The following FCHSD2 variants were observed in gnomAD, a reference collection of about 807,000 sequenced individuals.
FCHSD2 encodes F-BAR and double SH3 domains protein 2.
A neutral mutation model predicts 108.1 loss-of-function variants in FCHSD2; 38 were observed. The observed-to-expected ratio is 0.35, with a 90% CI of 0.27 to 0.46. The LOEUF (loss-of-function observed/expected upper bound fraction) is 0.46. FCHSD2 is among the 20% of genes least tolerant of loss of function. FCHSD2 has a pLI of 1.00. For synonymous variants in FCHSD2, 279 were observed against 314.7 expected, an observed-to-expected ratio of 0.89 and a Z score of 1.20; for missense variants, 751 against 897.8, an observed-to-expected ratio of 0.84 and a Z score of 2.09.
chr11:73,044,168 CAAAG>C (rs1441864854), intron 3 of FCHSD2, among the ~76,000 whole-genome samples: 3 of 152,110 alleles, frequency 2.0e-5, no homozygotes, highest in Non-Finnish European at 2.9e-5. Context: ...ATAAATCAAA[CAAAG>C]AGACCATTTT....
chr11:72,841,610 C>A (rs762585135), intron 17 of FCHSD2, 27 bp from the exon 18 acceptor site: 2 of 1,568,322 alleles, frequency 1.3e-6, no homozygotes, highest in Non-Finnish European at 1.7e-6. Context: ...CGAGGTTACC[C>A]GGTGCTCCCC....
At chr11:72,900,236 C>CGT in intron 10 of FCHSD2, 1 of 1,451,832 alleles carries the variant, frequency 6.9e-7, no homozygotes, top group Non-Finnish European at 9.4e-7. Context: ...CCCTCCCGCC[C>CGT]TTGACCCACA....
At chr11:72,929,905 CTAATAAA>C (rs902914987) in intron 8 of FCHSD2, among the ~76,000 whole-genome samples, 2 of 152,022 alleles carry the variant, frequency 1.3e-5, no homozygotes, top group Admixed American at 6.6e-5. Context: ...GCAGAGGCCT[CTAATAAA>C]TGATTATTGA....
At chr11:73,121,699 G>GT (rs926160538) in intron 2 of FCHSD2, among the ~76,000 whole-genome samples, 2 of 151,282 alleles carry the variant, frequency 1.3e-5, no homozygotes, top group African/African-American at 4.8e-5. Flanking sequence ...GTAAGGTAAG[G>GT]TAAGTAAACA....
chr11:72,925,931 A>G (rs1856066743), intron 8 of FCHSD2, among the ~76,000 whole-genome samples: 1 of 152,178 alleles, frequency 6.6e-6, no homozygotes, highest in Non-Finnish European at 1.5e-5. Context: ...GGGACTGGCT[A>G]CAGCTGACCA....
intron 3 of FCHSD2, among the ~76,000 whole-genome samples, chr11:73,018,705 C>T (rs559034253): frequency 9.2e-5 from 14 of 152,056 alleles, no homozygotes; most frequent in Non-Finnish European, 1.9e-4. Flanking sequence ...AAAAACTTCT[C>T]TGGTTCCTAA....
At chr11:73,063,566 T>C (rs958789027) in intron 3 of FCHSD2, among the ~76,000 whole-genome samples, 11 of 151,976 alleles carry the variant, frequency 7.2e-5, no homozygotes, top group African/African-American at 9.7e-5. Context: ...AAGACACACA[T>C]AGGTTCAAAA....
intron 3 of FCHSD2, among the ~76,000 whole-genome samples, chr11:73,070,442 G>T (rs1378597791): frequency 6.6e-6 from 1 of 151,976 alleles, no homozygotes; most frequent in Non-Finnish European, 1.5e-5. Context: ...TTTTATTTTT[G>T]AGATACAGTC....
intron 8 of FCHSD2, among the ~76,000 whole-genome samples, chr11:72,957,737 G>A (rs1856742344): frequency 6.6e-6 from 1 of 151,994 alleles, no homozygotes; most frequent in Non-Finnish European, 1.5e-5. Flanking sequence ...GGAGTATTGA[G>A]AGGTGAGGAG....
chr11:73,001,351 T>C (rs1471433531), intron 4 of FCHSD2, among the ~76,000 whole-genome samples: 2 of 152,220 alleles, frequency 1.3e-5, no homozygotes, highest in Non-Finnish European at 2.9e-5. Flanking sequence ...GATTCATTAG[T>C]TATTCTTAAT....
At chr11:72,998,926 G>A (rs753904911) in intron 5 of FCHSD2, among the ~76,000 whole-genome samples, 2 of 152,158 alleles carry the variant, frequency 1.3e-5, no homozygotes, top group Admixed American at 6.5e-5. Context: ...TTGGGAAAAT[G>A]AAAAATCTGG....
At position 72,953,040 on chromosome 11, in the gene FCHSD2, A is replaced by G. The variant is rs533582961; in HGVS notation, c.705+31048T>C. 3.3e-5 allele frequency among the ~76,000 whole-genome samples: 5 copies of G among 152,372 alleles called. 1 individual carries two copies. The highest frequency in any genetic ancestry group is 1.2e-4 in the African/African-American group (5 of 41,582). On this transcript the variant is annotated intron_variant, in intron 8 of 19. Coordinates refer to ENST00000409418, the MANE Select transcript of FCHSD2 (RefSeq NM_014824.3). The stretch of plus-strand genomic sequence containing the variant: ...AATTTTGTTACTGAAAGTGCAAAGA[A>G]TAAGAGATATTTATGAAGTTATTGT...
intron 9 of FCHSD2, among the ~76,000 whole-genome samples, chr11:72,907,873 G>A (rs935385832): frequency 2.0e-5 from 3 of 151,982 alleles, no homozygotes; most frequent in Non-Finnish European, 2.9e-5. Flanking sequence ...GATTACAGGC[G>A]TGAGCCACCA....
chr11:73,121,051 A>G (rs1175028040), intron 2 of FCHSD2, among the ~76,000 whole-genome samples: 2 of 152,106 alleles, frequency 1.3e-5, no homozygotes, highest in Non-Finnish European at 2.9e-5. Flanking sequence ...CTTTCTCAGC[A>G]ATTTAGCTCT....
intron 2 of FCHSD2, among the ~76,000 whole-genome samples, chr11:73,089,646 C>T (rs1285685457): frequency 2.0e-5 from 3 of 152,060 alleles, no homozygotes; most frequent in Non-Finnish European, 4.4e-5. Flanking sequence ...ATGGATGAAC[C>T]TCAATAACAT....
intron 2 of FCHSD2, among the ~76,000 whole-genome samples, chr11:73,116,603 T>C (rs1347377252): frequency 6.6e-6 from 1 of 152,172 alleles, no homozygotes; most frequent in South Asian, 2.1e-4. Context: ...TGCAGTTGTG[T>C]GGTCATAACT....
intron 3 of FCHSD2, among the ~76,000 whole-genome samples, chr11:73,042,437 A>G (rs1156877684): frequency 6.6e-6 from 1 of 152,184 alleles, no homozygotes; most frequent in African/African-American, 2.4e-5. Context: ...TTATATCAAT[A>G]CCATGCTGTT....
intron 2 of FCHSD2, among the ~76,000 whole-genome samples, chr11:73,128,339 G>A (rs1449909494): frequency 2.0e-5 from 3 of 152,056 alleles, no homozygotes; most frequent in African/African-American, 7.2e-5. Flanking sequence ...GGTCCCTGCA[G>A]CAAATCAGGC....
chr11:73,028,423 T>C (rs1858279484), intron 3 of FCHSD2, among the ~76,000 whole-genome samples: 1 of 152,212 alleles, frequency 6.6e-6, no homozygotes, highest in Admixed American at 6.5e-5. Flanking sequence ...TTCCCCCATT[T>C]TGAATGGCAG....
Sources: allele counts gnomAD v4.1 joint callset (sites outside exome capture counted in the v4.1 genomes callset), GRCh38; gene constraint gnomAD v4.1.1; transcripts MANE v1.5; gene names NCBI Gene and HGNC (gene_info 2026-07-23, HGNC 2026-07-21).